REPS2: variants seen among roughly 807,000 people sequenced by gnomAD.
The protein encoded by REPS2 is RALBP1 associated Eps domain containing 2, also known as ralBP1-associated Eps domain-containing protein 2.
Under a neutral mutation model 53.6 loss-of-function variants are expected in REPS2, and 23 were observed. The ratio of observed to expected loss-of-function variants is 0.43; its 90% CI spans 0.31 to 0.61. REPS2 has a LOEUF of 0.61. REPS2 is among the 20% of genes least tolerant of loss of function. REPS2 has a pLI of 0.11. For synonymous variants in REPS2, 238 were observed against 218.6 expected (o/e 1.09, Z -0.78); for missense variants, 446 against 534.9 (o/e 0.83, Z 1.64).
At chrX:17,160,754 A>G in the REPS2 span, among the ~76,000 whole-genome samples, 2 of 112,555 alleles carry the variant, frequency 1.8e-5, no homozygotes, top group Admixed American at 9.4e-5. Flanking sequence ...TTGAGAGCCA[A>G]CAGAGGATTA....
chrX:17,108,918 C>CT (rs566199087), intron 14 of REPS2, among the ~76,000 whole-genome samples: 1,347 of 86,639 alleles, frequency 0.016, 20 homozygotes, highest in South Asian at 0.023. Flanking sequence ...AACAACAGAA[C>CT]TTTTTTTTTT....
At chrX:17,034,399 C>G (rs746897349) in intron 5 of REPS2, among the ~76,000 whole-genome samples, 2 of 111,321 alleles carry the variant, frequency 1.8e-5, no homozygotes, top group Admixed American at 9.6e-5. Flanking sequence ...TGGGTCCAAG[C>G]GATTCTCCTG....
At chrX:17,161,220 C>T in the REPS2 span, among the ~76,000 whole-genome samples, 1 of 111,488 alleles carries the variant, frequency 9.0e-6, no homozygotes, top group African/African-American at 3.3e-5. Flanking sequence ...TCATGATCTC[C>T]ACCCTCTGAT....
chrX:17,105,469 A>G (rs2062861649), intron 14 of REPS2, among the ~76,000 whole-genome samples: 1 of 112,113 alleles, frequency 8.9e-6, no homozygotes, highest in African/African-American at 3.2e-5. Flanking sequence ...GTCCCAAAAT[A>G]TGCTGCTGCT....
intron 13 of REPS2, among the ~76,000 whole-genome samples, chrX:17,082,547 AAT>A (rs2062471713): frequency 8.9e-6 from 1 of 112,387 alleles, no homozygotes; most frequent in Non-Finnish European, 1.9e-5. Context: ...ATGGGTAGCT[AAT>A]TTCCTATCTC....
rs556843774 is a variant in REPS2, at chrX:17,124,974, G to A, written c.1579-8850G>A. ...CGCCTCCCGGGTTCAAGTGATTTTC[G>A]TGCCTCAGCCTCCTGAATAGCTGGG... On this transcript the variant is annotated intron_variant, in intron 14 of 17. Coordinates refer to ENST00000357277, the MANE Select transcript of REPS2 (RefSeq NM_004726.3). Among the ~76,000 whole-genome samples the A allele has an allele frequency of 9.9e-4, 105 of 106,118 alleles. 1 individual carries two copies. The South Asian group carries it at 0.04, about 41-fold the overall frequency. 92.2% of individuals were successfully genotyped at this position (106,118 alleles called of 115,157 possible).
At chrX:17,055,537 A>T (rs1232555331) in intron 8 of REPS2, among the ~76,000 whole-genome samples, 7 of 80,298 alleles carry the variant, frequency 8.7e-5, no homozygotes, top group African/African-American at 3.3e-4. Context: ...TATAAGGTGT[A>T]AGGAAGGGAT....
At chrX:17,034,229 C>T (rs1299655722) in intron 5 of REPS2, among the ~76,000 whole-genome samples, 1 of 111,723 alleles carries the variant, frequency 9.0e-6, no homozygotes, top group Non-Finnish European at 1.9e-5. Flanking sequence ...GAACATTTTA[C>T]GCATGTACAT....
chrX:17,042,994 G>A (rs986415450), intron 5 of REPS2, among the ~76,000 whole-genome samples: 1 of 110,707 alleles, frequency 9.0e-6, no homozygotes, highest in Non-Finnish European at 1.9e-5. Context: ...ATGGGGATTT[G>A]CCATGTTGCC....
At chrX:17,068,772 G>A (rs2006847) in intron 10 of REPS2, among the ~76,000 whole-genome samples, 48,544 of 111,567 alleles carry the variant, frequency 0.44, 7,775 homozygotes, top group Middle Eastern at 0.57. Flanking sequence ...GAAGCTGAAC[G>A]AATTGAGAAC....
chrX:17,049,062 T>C (rs2147917790), intron 6 of REPS2, among the ~76,000 whole-genome samples: 1 of 110,421 alleles, frequency 9.1e-6, no homozygotes, highest in East Asian at 2.8e-4. Context: ...ACCAGGCTAA[T>C]TTTTGTATTT....
intron 1 of REPS2, among the ~76,000 whole-genome samples, chrX:16,967,350 C>G (rs1272011847): frequency 9.1e-6 from 1 of 109,728 alleles, no homozygotes; most frequent in Non-Finnish European, 1.9e-5. Flanking sequence ...CTATATTCTT[C>G]TGTATCTAGA....
At chrX:17,059,475 AT>A (rs1220737667) in intron 8 of REPS2, among the ~76,000 whole-genome samples, 6 of 105,052 alleles carry the variant, frequency 5.7e-5, no homozygotes, top group Non-Finnish European at 9.9e-5. Flanking sequence ...TAAAATAATA[AT>A]TTTTTTTTTG....
At chrX:17,179,053 T>C in the REPS2 span, among the ~76,000 whole-genome samples, 1 of 111,660 alleles carries the variant, frequency 9.0e-6, no homozygotes, top group African/African-American at 3.3e-5. Flanking sequence ...AACATCACAT[T>C]ATGGAGTGAA....
chrX:17,096,489 C>T (rs1187224270), intron 13 of REPS2, among the ~76,000 whole-genome samples: 1 of 104,953 alleles, frequency 9.5e-6, no homozygotes, highest in Non-Finnish European at 1.9e-5. Context: ...GAAACCCCGT[C>T]TCTACTAAAA....
the REPS2 span, among the ~76,000 whole-genome samples, chrX:17,166,583 C>G: frequency 8.9e-6 from 1 of 111,865 alleles, no homozygotes; most frequent in Non-Finnish European, 1.9e-5. Flanking sequence ...ACGAATCCAC[C>G]CAGACACAGA....
rs1226021992 is a variant in REPS2, at chrX:17,148,922, C to T, written c.*1441C>T. 2.7e-6 allele frequency: 1 copy of T among 374,543 alleles called. No homozygotes were observed. The highest frequency in any genetic ancestry group is 2.5e-5 in the African/African-American group (1 of 39,652). 30.9% of individuals were successfully genotyped at this position (374,543 alleles called of 1,213,427 possible). A position where few individuals can be genotyped will look rare whatever the true frequency, so the allele number is the denominator to read the frequency against. On this transcript the variant is annotated 3_prime_UTR_variant, in exon 18 of 18. Coordinates refer to ENST00000357277, the MANE Select transcript of REPS2 (RefSeq NM_004726.3). Reference sequence around the variant, plus strand: ...AGGTTTGCAATATGTGGGATTCAGCCTTTGATTTCAATAGAGCTGAGAGCT... The same window carrying T: ...AGGTTTGCAATATGTGGGATTCAGCTTTTGATTTCAATAGAGCTGAGAGCT...
chrX:17,177,682 A>T, the REPS2 span, among the ~76,000 whole-genome samples: 2 of 112,066 alleles, frequency 1.8e-5, no homozygotes. Context: ...GCTGCTGGGA[A>T]ACATAACCTG....
intron 1 of REPS2, among the ~76,000 whole-genome samples, chrX:16,969,730 G>T (rs1455043554): frequency 2.0e-5 from 2 of 101,394 alleles, no homozygotes; most frequent in Non-Finnish European, 4.0e-5. Context: ...AGAGGGAGAG[G>T]GAGACCGTGG....
Sources: allele counts gnomAD v4.1 joint callset (sites outside exome capture counted in the v4.1 genomes callset), GRCh38; gene constraint gnomAD v4.1.1; transcripts MANE v1.5; gene names NCBI Gene and HGNC (gene_info 2026-07-23, HGNC 2026-07-21).